The following KIF13A variants were observed in gnomAD, a reference collection of about 807,000 sequenced individuals.
The protein encoded by KIF13A is kinesin-like protein KIF13A.
A neutral mutation model predicts 212.2 loss-of-function variants in KIF13A; 79 were observed. The ratio of observed to expected loss-of-function variants is 0.37; its 90% CI spans 0.31 to 0.45. The LOEUF (loss-of-function observed/expected upper bound fraction) is 0.45. Ranked by LOEUF, KIF13A falls within the 20% of genes least tolerant of loss-of-function variation. The pLI is 1.00. For missense variants in KIF13A, 1,901 were observed against 2,209.0 expected (o/e 0.86, Z 2.79); for synonymous variants, 789 against 808.6 (o/e 0.98, Z 0.41).
At chr6:17,944,239 C>T (rs995005499) in intron 2 of KIF13A, among the ~76,000 whole-genome samples, 1 of 152,146 alleles carries the variant, frequency 6.6e-6, no homozygotes, top group Non-Finnish European at 1.5e-5. Context: ...TCTTTCAAAA[C>T]TTCACCCTGT....
chr6:17,835,078 T>C (rs1765806729), intron 11 of KIF13A, among the ~76,000 whole-genome samples: 1 of 151,336 alleles, frequency 6.6e-6, no homozygotes, highest in East Asian at 2.0e-4. Context: ...CCTAGCTACT[T>C]GGGAGGCTGA....
At chr6:17,901,289 A>G (rs1439542646) in intron 2 of KIF13A, among the ~76,000 whole-genome samples, 1 of 152,094 alleles carries the variant, frequency 6.6e-6, no homozygotes, top group Non-Finnish European at 1.5e-5. Flanking sequence ...TACTGACACT[A>G]TAATCAAATA....
In KIF13A at chr6:17,804,457, A is replaced by G; in HGVS notation, c.2358T>C (p.Asn786=). 6.3e-7 allele frequency: 1 copy of G among 1,589,934 alleles called. No homozygotes were observed. The highest frequency in any genetic ancestry group is 1.8e-5 in the Admixed American group (1 of 56,904). The change falls in exon 20 of 39, where the codon AAT becomes AAC. Residue 786 remains asparagine, a synonymous_variant. Coordinates refer to ENST00000259711, the MANE Select transcript of KIF13A (RefSeq NM_022113.6). ...RGDPFYEAQE[N]HNLIGVANVF... ...CATTCGCCACCCCGATGAGGTTGTG[A>G]TTTTCTTGGGCTTCATAGAAAGGGT...
chr6:17,798,543 T>C (rs866928400), intron 22 of KIF13A, among the ~76,000 whole-genome samples: 2 of 152,238 alleles, frequency 1.3e-5, no homozygotes, highest in Admixed American at 1.3e-4. Context: ...TGGATTCGTT[T>C]TCTAAGTGTA....
chr6:17,785,559 C>A lies in KIF13A; in HGVS notation c.3444G>T (p.Leu1148=), dbSNP rs1454515715. The change falls in exon 28 of 39, where the codon CTG becomes CTT. Residue 1148 remains leucine (L), a synonymous_variant. Transcript: ENST00000259711. This position sits in a 1 kb window ranked among gnomAD's most constrained non-coding sequence, Gnocchi z 5.8. ...VGLTEERNAV[L]VPAPGSGIPG... is the part of the protein sequence containing the mutation. Reference sequence around the variant, plus strand: ...GAATCCCACTGCCTGGGGCTGGCACCAGCACAGCATTCCTTTCCTCAGTCA... The same window carrying A: ...GAATCCCACTGCCTGGGGCTGGCACAAGCACAGCATTCCTTTCCTCAGTCA... 12 of 1,600,328 alleles carry A rather than the reference C, an allele frequency of 7.5e-6. No individual in the cohort carries two copies. Among genetic ancestry groups the A allele is most frequent in the Non-Finnish European group, 8.5e-6 (10 of 1,174,036 alleles).
chr6:17,780,997 C>T, intron 30 of KIF13A, 91 bp from the exon 31 acceptor site: 1 of 1,371,208 alleles, frequency 7.3e-7, no homozygotes, highest in East Asian at 2.3e-5. Flanking sequence ...AAAATAAATT[C>T]AACTCACTGT....
chr6:17,769,574 C>G lies in KIF13A; in HGVS notation c.4581+1540G>C, dbSNP rs1397551962. Among the ~76,000 whole-genome samples, 3 of 152,176 alleles carry G rather than the reference C, an allele frequency of 2.0e-5. No individual in the cohort carries two copies. Among genetic ancestry groups the G allele is most frequent in the African/African-American group, 7.2e-5 (3 of 41,452 alleles). On this transcript the variant is annotated intron_variant, in intron 38 of 38. Coordinates refer to ENST00000259711, the MANE Select transcript of KIF13A (RefSeq NM_022113.6). This position sits in a 1 kb window ranked among gnomAD's most constrained non-coding sequence, Gnocchi z 5.8. ...AAGTGAAGAAAACACGAGCCTAGCT[C>G]TGTGAACTGTGAAACTATCTGCTGA...
Position 17,987,623 on chromosome 6 carries a change from G to A in KIF13A, c.-160C>T, listed in dbSNP as rs1781692922. 4.9e-6 allele frequency: 1 copy of A among 204,862 alleles called. No individual in the cohort carries two copies. Among genetic ancestry groups the A allele is most frequent in the Admixed American group, 6.8e-5 (1 of 14,730 alleles). 12.7% of individuals were successfully genotyped at this position (204,862 alleles called of 1,614,324 possible). A position where few individuals can be genotyped will look rare whatever the true frequency, so the allele number is the denominator to read the frequency against. The stretch of plus-strand genomic sequence containing the variant: ...AGCGCCGAGGCGCGCGGGCCATCCC[G>A]GGGGAGCGCGACGCGGGGCACGGCC... On this transcript the variant is annotated 5_prime_UTR_variant, in exon 1 of 39. Coordinates refer to ENST00000259711, the MANE Select transcript of KIF13A (RefSeq NM_022113.6). This position sits in a 1 kb window ranked among gnomAD's most constrained non-coding sequence, Gnocchi z 7.7.
At position 17,787,658 on chromosome 6, in the gene KIF13A, C is replaced by CAA; in HGVS notation, c.3361+116_3361+117dup. The CAA allele has an allele frequency of 1.5e-6, 1 of 672,894 alleles. No individual in the cohort carries two copies. The highest frequency in any genetic ancestry group is 2.6e-6 in the Non-Finnish European group (1 of 378,076). The allele number at this position is 672,894 out of a possible 1,614,324, so 41.7% of individuals were successfully genotyped here. The stretch of plus-strand genomic sequence containing the variant: ...AGAGTGAGACCCTGTCTTAAAACAA[C>CAA]AACAACAACAACAACAAAAATAAGA... On this transcript the variant is annotated intron_variant, in intron 27 of 38. Coordinates refer to ENST00000259711, the MANE Select transcript of KIF13A (RefSeq NM_022113.6). The surrounding 1 kb of genome is among the most constrained non-coding windows in gnomAD (Gnocchi z 4.6).
In KIF13A at chr6:17,951,086, T is replaced by C. The variant is rs1777803989; in HGVS notation, c.146+35968A>G. 2 of 1,108,106 alleles carry C rather than the reference T, an allele frequency of 1.8e-6. No homozygotes were observed. The highest frequency in any genetic ancestry group is 2.2e-6 in the Non-Finnish European group (2 of 911,044). 68.6% of individuals were successfully genotyped at this position (1,108,106 alleles called of 1,614,324 possible). A position where few individuals can be genotyped will look rare whatever the true frequency, so the allele number is the denominator to read the frequency against. On this transcript the variant is annotated intron_variant, in intron 2 of 38. Coordinates refer to ENST00000259711, the MANE Select transcript of KIF13A (RefSeq NM_022113.6). The surrounding 1 kb of genome is among the most constrained non-coding windows in gnomAD (Gnocchi z 4.9). The stretch of plus-strand genomic sequence containing the variant: ...GACACCTAAGGAATTGTACTTATTA[T>C]ATATAACACTTTGCCAACCATCCAT...
intron 2 of KIF13A, among the ~76,000 whole-genome samples, chr6:17,983,905 G>A (rs778360379): frequency 7.9e-5 from 12 of 152,134 alleles, no homozygotes; most frequent in Non-Finnish European, 8.8e-5. Context: ...CTCTCTCCTC[G>A]TCTTGCAAAA....
At chr6:17,759,472 G>T (rs1758493355), downstream of KIF13A, 2 of 151,960 alleles carry the variant, frequency 1.3e-5, no homozygotes, top group South Asian at 4.1e-4. Context: ...CCAACTCGAA[G>T]AATTTAAAAG....
At position 17,892,716 on chromosome 6, in the gene KIF13A, T is replaced by C. The variant is rs1772177470; in HGVS notation, c.159+5452A>G. Among the ~76,000 whole-genome samples, 1 of 152,200 alleles carries C rather than the reference T, an allele frequency of 6.6e-6. No homozygotes were observed. Among genetic ancestry groups the C allele is most frequent in the Non-Finnish European group, 1.5e-5 (1 of 68,042 alleles). The stretch of plus-strand genomic sequence containing the variant: ...GTGATGGAGCCTCCATAAACATCCC[T>C]AAACTACAAGGATGGGAGAGCATCT... On this transcript the variant is annotated intron_variant, in intron 3 of 38. Transcript: ENST00000259711. The surrounding 1 kb of genome is among the most constrained non-coding windows in gnomAD (Gnocchi z 4.7).
chr6:17,875,269 G>T, intron 3 of KIF13A, among the ~76,000 whole-genome samples: 1 of 151,952 alleles, frequency 6.6e-6, no homozygotes, highest in East Asian at 1.9e-4. Flanking sequence ...ATTTCCACTA[G>T]CAATGTAAAA....
intron 2 of KIF13A, among the ~76,000 whole-genome samples, chr6:17,948,775 G>A (rs1218031917): frequency 2.6e-5 from 4 of 151,598 alleles, no homozygotes; most frequent in Non-Finnish European, 5.9e-5. Flanking sequence ...TGGCTGGGCT[G>A]GGCTGGTCTC....
chr6:17,801,025 C>G (rs1309428400), intron 20 of KIF13A, among the ~76,000 whole-genome samples: 1 of 152,020 alleles, frequency 6.6e-6, no homozygotes, highest in Admixed American at 6.6e-5. Flanking sequence ...AGCCAACATG[C>G]CTGGCTATCC....
rs1760820119 is a variant in KIF13A at position 17,783,866 on chromosome 6, TG to T, written c.3489-166del. The stretch of plus-strand genomic sequence containing the variant: ...TTGACTTCCCTGTAGACATAAATCA[TG>T]GGAATTATATGACTTACATAAAAGA... On this transcript the variant is annotated intron_variant, in intron 28 of 38. Transcript: ENST00000259711. The surrounding 1 kb of genome is among the most constrained non-coding windows in gnomAD (Gnocchi z 4.3). 6.6e-6 allele frequency among the ~76,000 whole-genome samples: 1 copy of T among 152,238 alleles called. No individual in the cohort carries two copies. The highest frequency in any genetic ancestry group is 2.4e-5 in the African/African-American group (1 of 41,456).
intron 33 of KIF13A, among the ~76,000 whole-genome samples, chr6:17,778,116 C>T (rs558492485): frequency 2.6e-5 from 4 of 151,986 alleles, no homozygotes; most frequent in Admixed American, 6.6e-5. Context: ...CCAGCCTGAG[C>T]GACAGAGCAA....
chr6:17,951,214 G>C lies in KIF13A; in HGVS notation c.146+35840C>G. The C allele has an allele frequency of 1.0e-6, 1 of 1,004,488 alleles. No homozygotes were observed. The highest frequency in any genetic ancestry group is 1.3e-6 in the Non-Finnish European group (1 of 764,148). The allele number at this position is 1,004,488 out of a possible 1,614,324, so 62.2% of individuals were successfully genotyped here. A position where few individuals can be genotyped will look rare whatever the true frequency, so the allele number is the denominator to read the frequency against. ...CTGTCACCCAGGCTGGCGTGCAGTG[G>C]CTCAAACAGCTCACTGGAGCCTCCT... is the stretch of plus-strand genomic sequence containing the variant. On this transcript the variant is annotated intron_variant, in intron 2 of 38. Transcript: ENST00000259711. The surrounding 1 kb of genome is among the most constrained non-coding windows in gnomAD (Gnocchi z 4.9).
Sources: allele counts gnomAD v4.1 joint callset (sites outside exome capture counted in the v4.1 genomes callset), GRCh38; gene constraint gnomAD v4.1.1; non-coding constraint Gnocchi (gnomAD v3.1); transcripts MANE v1.5; gene names NCBI Gene and HGNC (gene_info 2026-07-23, HGNC 2026-07-21).